The following GRID1 variants were observed in gnomAD, a reference collection of about 807,000 sequenced individuals.
GRID1 encodes glutamate receptor ionotropic, delta-1.
GRID1 carries 28 observed loss-of-function variants against 98.0 expected under a neutral mutation model. The ratio of observed to expected loss-of-function variants is 0.29; its 90% CI spans 0.21 to 0.39. The LOEUF (loss-of-function observed/expected upper bound fraction) is 0.39. Among genes scored for constraint, GRID1 ranks in the 10% least tolerant of loss-of-function variants. GRID1 has a pLI of 1.00. For missense variants in GRID1, 1,111 were observed against 1,340.5 expected (o/e 0.83, Z 2.67); for synonymous variants, 553 against 538.5 (o/e 1.03, Z -0.37).
At chr10:86,140,076 G>A (rs1398797571) in intron 3 of GRID1, among the ~76,000 whole-genome samples, 1 of 152,228 alleles carries the variant, frequency 6.6e-6, no homozygotes, top group African/African-American at 2.4e-5. Context: ...GAACTTTCCA[G>A]TTCCATGAGC....
At chr10:85,716,963 T>C (rs1181748199) in intron 12 of GRID1, among the ~76,000 whole-genome samples, 1 of 151,294 alleles carries the variant, frequency 6.6e-6, no homozygotes, top group Non-Finnish European at 1.5e-5. Context: ...GGGACTGGAG[T>C]GTGGGGGAAT....
chr10:85,685,625 C>G (rs112172621), intron 12 of GRID1, among the ~76,000 whole-genome samples: 3 of 151,832 alleles, frequency 2.0e-5, no homozygotes, highest in African/African-American at 7.3e-5. Flanking sequence ...AGGTTGGAGA[C>G]GTGGATATAA....
chr10:86,181,548 C>T (rs972010257), intron 3 of GRID1, among the ~76,000 whole-genome samples: 2 of 152,168 alleles, frequency 1.3e-5, no homozygotes, highest in African/African-American at 4.8e-5. Context: ...GGAAAGAATG[C>T]CTGTGCCCAT....
At chr10:86,053,559 G>A (rs1014141100) in intron 4 of GRID1, among the ~76,000 whole-genome samples, 93 of 151,772 alleles carry the variant, frequency 6.1e-4, no homozygotes, top group African/African-American at 2.1e-3. Flanking sequence ...ATGGGGTTTC[G>A]CCGTGTTGGC....
intron 2 of GRID1, among the ~76,000 whole-genome samples, chr10:86,218,364 CT>C: frequency 6.6e-6 from 1 of 152,078 alleles, no homozygotes; most frequent in East Asian, 1.9e-4. Context: ...CTGCTAGGCC[CT>C]CAGCTGTCTA....
Position 85,768,498 on chromosome 10 carries a change from G to A in GRID1, c.1234-38884C>T, listed in dbSNP as rs1324687370. 3.9e-5 allele frequency among the ~76,000 whole-genome samples: 6 copies of A among 152,108 alleles called. No homozygotes were observed. In the East Asian group the frequency reaches 1.2e-3, roughly 29 times the overall value. On this transcript the variant is annotated intron_variant, in intron 8 of 15. Transcript: ENST00000327946. ...ATATTGGCAATGTCCAATGCAAAGG[G>A]TAATCTCTTTGATGTATAAAACTCC... is the stretch of plus-strand genomic sequence containing the variant.
chr10:86,176,800 G>T (rs1176459872), intron 3 of GRID1, among the ~76,000 whole-genome samples: 1 of 152,204 alleles, frequency 6.6e-6, no homozygotes, highest in South Asian at 2.1e-4. Flanking sequence ...GGTAAGAAAT[G>T]ATGAGGGACT....
intron 3 of GRID1, among the ~76,000 whole-genome samples, chr10:86,146,205 C>T (rs1845087252): frequency 6.6e-6 from 1 of 152,166 alleles, no homozygotes; most frequent in Non-Finnish European, 1.5e-5. Context: ...ACCTCACACG[C>T]AGAAGAAATT....
intron 2 of GRID1, among the ~76,000 whole-genome samples, chr10:86,287,745 T>G (rs1847453271): frequency 6.6e-6 from 1 of 151,718 alleles, no homozygotes; most frequent in Admixed American, 6.6e-5. Flanking sequence ...TTAAAAAGTT[T>G]CACAGTTTAA....
intron 3 of GRID1, among the ~76,000 whole-genome samples, chr10:86,178,965 G>T (rs1159412078): frequency 6.6e-6 from 1 of 152,118 alleles, no homozygotes; most frequent in East Asian, 1.9e-4. Context: ...CCTTGCCCCA[G>T]CTGCACACTC....
At chr10:86,352,112 C>T (rs1848471799) in intron 2 of GRID1, among the ~76,000 whole-genome samples, 1 of 152,188 alleles carries the variant, frequency 6.6e-6, no homozygotes, top group African/African-American at 2.4e-5. Flanking sequence ...ACCAGCCTGA[C>T]CAACATGGTG....
chr10:86,236,107 G>A (rs1434650619), intron 2 of GRID1, among the ~76,000 whole-genome samples: 1 of 152,156 alleles, frequency 6.6e-6, no homozygotes, highest in Non-Finnish European at 1.5e-5. Flanking sequence ...AGTGGTATCT[G>A]ATTATGTTTT....
At chr10:86,150,401 G>A (rs1430910747) in intron 3 of GRID1, among the ~76,000 whole-genome samples, 1 of 152,236 alleles carries the variant, frequency 6.6e-6, no homozygotes, top group East Asian at 1.9e-4. Context: ...TCAGAACACA[G>A]AGGAATGACC....
intron 2 of GRID1, among the ~76,000 whole-genome samples, chr10:86,247,786 C>T (rs1282124697): frequency 6.6e-6 from 1 of 152,130 alleles, no homozygotes; most frequent in Non-Finnish European, 1.5e-5. Context: ...CCAGGGAGCA[C>T]CCAGCCATGA....
intron 4 of GRID1, among the ~76,000 whole-genome samples, chr10:86,057,352 C>G (rs137962344): frequency 6.6e-6 from 1 of 152,324 alleles, no homozygotes; most frequent in African/African-American, 2.4e-5. Flanking sequence ...ATAGTAACCT[C>G]CCAGATGTGC....
intron 2 of GRID1, among the ~76,000 whole-genome samples, chr10:86,234,903 C>T (rs1269613701): frequency 6.6e-6 from 1 of 152,198 alleles, no homozygotes; most frequent in Non-Finnish European, 1.5e-5. Flanking sequence ...TGCAGGCGCA[C>T]TGATGGTGGA....
intron 4 of GRID1, among the ~76,000 whole-genome samples, chr10:85,936,693 T>C (rs1044142307): frequency 6.6e-6 from 1 of 152,200 alleles, no homozygotes; most frequent in African/African-American, 2.4e-5. Flanking sequence ...CTATGTTTTT[T>C]GGCATAAGGA....
At chr10:85,857,461 A>G (rs1015283336) in intron 6 of GRID1, among the ~76,000 whole-genome samples, 13 of 151,992 alleles carry the variant, frequency 8.6e-5, no homozygotes, top group East Asian at 3.9e-4. Flanking sequence ...CGGGAGCCCA[A>G]TGGGGGAGAA....
intron 4 of GRID1, among the ~76,000 whole-genome samples, chr10:86,007,429 C>T (rs1236144572): frequency 6.6e-6 from 1 of 152,190 alleles, no homozygotes; most frequent in Non-Finnish European, 1.5e-5. Context: ...TGCTGCTTGC[C>T]TCAATGAGCC....
Sources: gnomAD v4.1 joint callset for allele counts (sites outside exome capture counted in the v4.1 genomes callset) on GRCh38, gnomAD v4.1.1 for gene constraint, MANE v1.5 for transcripts, NCBI Gene and HGNC (gene_info 2026-07-23, HGNC 2026-07-21) for gene names.